The following ZC2HC1B variants were observed in gnomAD, a reference collection of about 807,000 sequenced individuals.
ZC2HC1B encodes zinc finger C2HC domain-containing protein 1B.
In ZC2HC1B, 36 loss-of-function variants were observed where a neutral mutation model predicts 31.0. The observed-to-expected ratio is 1.16, with a 90% CI of 0.89 to 1.54. The LOEUF (loss-of-function observed/expected upper bound fraction) is 1.54. ZC2HC1B is among the 40% of genes most tolerant of loss of function. The probability of loss-of-function intolerance (pLI) is 0.00; values close to 1 mark genes in which losing one functional copy is unlikely to be tolerated. For synonymous variants in ZC2HC1B, 73 were observed against 88.0 expected (o/e 0.83, Z 0.95); for missense variants, 260 against 268.6 (o/e 0.97, Z 0.22).
chr6:143,895,854 TCTGA>T lies in ZC2HC1B; in HGVS notation c.350-2695_350-2692del, dbSNP rs1192130335. Reference sequence around the variant, plus strand: ...ATTCCTCGAAAGAATTCATTTGGACTCTGACTTTTAAAATCATTACCTATTGAAA... The same window carrying T: ...ATTCCTCGAAAGAATTCATTTGGACTCTTTTAAAATCATTACCTATTGAAA... On this transcript the variant is annotated intron_variant, in intron 4 of 7. Coordinates refer to ENST00000237275, the MANE Select transcript of ZC2HC1B (RefSeq NM_001013623.3). This position sits in a 1 kb window ranked among gnomAD's most constrained non-coding sequence, Gnocchi z 4.8. Among the ~76,000 whole-genome samples, 18 of 152,218 alleles carry T rather than the reference TCTGA, an allele frequency of 1.2e-4. No individual in the cohort carries two copies. The highest frequency in any genetic ancestry group is 1.9e-4 in the Non-Finnish European group (13 of 68,030).
In ZC2HC1B at chr6:143,911,618, G is replaced by A. The variant is rs1777857303; in HGVS notation, c.598+8466G>A. On this transcript the variant is annotated intron_variant, in intron 6 of 7. Coordinates refer to ENST00000237275, the MANE Select transcript of ZC2HC1B (RefSeq NM_001013623.3). This position sits in a 1 kb window ranked among gnomAD's most constrained non-coding sequence, Gnocchi z 4.5. ...GCCCCCAGTCTCTTCTACCTTCTAGGGTTTCCACTGAGAGGTCTACTGTTA... is the reference window on the plus strand; with the variant it reads ...GCCCCCAGTCTCTTCTACCTTCTAGAGTTTCCACTGAGAGGTCTACTGTTA... Among the ~76,000 whole-genome samples, 3 of 152,082 alleles carry A rather than the reference G, an allele frequency of 2.0e-5. No homozygotes were observed. The highest frequency in any genetic ancestry group is 1.3e-4 in the Admixed American group (2 of 15,264).
At chr6:143,879,786 TTTTTG>T in intron 1 of ZC2HC1B, among the ~76,000 whole-genome samples, 1 of 127,170 alleles carries the variant, frequency 7.9e-6, no homozygotes, top group Non-Finnish European at 1.6e-5. Context: ...TGTTTGTTTG[TTTTTG>T]TTTTTTTTTT....
At chr6:143,889,997 C>CA (rs2128494284) in intron 4 of ZC2HC1B, among the ~76,000 whole-genome samples, 2 of 152,080 alleles carry the variant, frequency 1.3e-5, no homozygotes, top group African/African-American at 4.8e-5. Context: ...AAATGTATGA[C>CA]AAAAATATAT....
chr6:143,900,840 G>GTTTTGT (rs1777729257), intron 5 of ZC2HC1B, among the ~76,000 whole-genome samples: 1 of 152,086 alleles, frequency 6.6e-6, no homozygotes, highest in African/African-American at 2.4e-5. Flanking sequence ...TTTATAGATT[G>GTTTTGT]TTTTGTTTTT....
rs1358370097 is a variant in ZC2HC1B, at chr6:143,868,103, T to C, written c.28+3536T>C. Among the ~76,000 whole-genome samples, 1 of 152,220 alleles carries C rather than the reference T, an allele frequency of 6.6e-6. No homozygotes were observed. Among genetic ancestry groups the C allele is most frequent in the Non-Finnish European group, 1.5e-5 (1 of 68,046 alleles). ...ATTTGTTTCCATTTCCAATTTTGCT[T>C]TTTGGGAATCTGAAGCCATCCTGAT... On this transcript the variant is annotated intron_variant, in intron 1 of 7. Coordinates refer to ENST00000237275, the MANE Select transcript of ZC2HC1B (RefSeq NM_001013623.3). This position sits in a 1 kb window ranked among gnomAD's most constrained non-coding sequence, Gnocchi z 4.2.
At chr6:143,892,313 T>C (rs1375493293) in intron 4 of ZC2HC1B, among the ~76,000 whole-genome samples, 3 of 149,372 alleles carry the variant, frequency 2.0e-5, no homozygotes, top group East Asian at 1.9e-4. Context: ...TTTTTTTTTT[T>C]CAGAGGGAGT....
chr6:143,897,963 G>A (rs1777688238), intron 4 of ZC2HC1B, among the ~76,000 whole-genome samples: 1 of 152,184 alleles, frequency 6.6e-6, no homozygotes, highest in South Asian at 2.1e-4. Flanking sequence ...ATTTCATTGA[G>A]AAGTTCTTAA....
intron 5 of ZC2HC1B, 44 bp from the exon 6 acceptor site, chr6:143,903,000 A>C: frequency 6.5e-7 from 1 of 1,537,748 alleles, no homozygotes; most frequent in Middle Eastern, 1.7e-4. Context: ...CTGAGGTTAC[A>C]TACAGAAGGT....
Position 143,903,211 on chromosome 6 carries a change from G to A in ZC2HC1B, c.598+59G>A, listed in dbSNP as rs1777757349. 2 of 1,461,000 alleles carry A rather than the reference G, an allele frequency of 1.4e-6. No individual in the cohort carries two copies. The allele number at this position is 1,461,000 out of a possible 1,614,324, so 90.5% of individuals were successfully genotyped here. ...ATGGGGGTCAGAGGAGATCACTGTT[G>A]GGTTTGGGATTCACTGGTAGTCTGC... On this transcript the variant is annotated intron_variant, in intron 6 of 7. Coordinates refer to ENST00000237275, the MANE Select transcript of ZC2HC1B (RefSeq NM_001013623.3). This position sits in a 1 kb window ranked among gnomAD's most constrained non-coding sequence, Gnocchi z 4.3.
At chr6:143,890,690 C>A (rs1449541537) in intron 4 of ZC2HC1B, among the ~76,000 whole-genome samples, 1 of 151,994 alleles carries the variant, frequency 6.6e-6, no homozygotes, top group Non-Finnish European at 1.5e-5. Flanking sequence ...TATTCACAGA[C>A]AACATAATTG....
chr6:143,879,824 A>ATTTTTTTTTTT (rs557859315), intron 1 of ZC2HC1B, among the ~76,000 whole-genome samples: 7 of 53,678 alleles, frequency 1.3e-4, no homozygotes, highest in East Asian at 6.3e-4. Context: ...GTTGTCCCTG[A>ATTTTTTTTTTT]TTTTTTTTTT....
Position 143,886,601 on chromosome 6 carries a change from A to T in ZC2HC1B, c.211-82A>T. On this transcript the variant is annotated intron_variant, in intron 3 of 7. Coordinates refer to ENST00000237275, the MANE Select transcript of ZC2HC1B (RefSeq NM_001013623.3). This position sits in a 1 kb window ranked among gnomAD's most constrained non-coding sequence, Gnocchi z 4.2. Reference sequence around the variant, plus strand: ...AATTTTCACAGTTCTGTTTCCTGTGAATTCAAATTCCAGCTTTAAACAAAA... The same window carrying T: ...AATTTTCACAGTTCTGTTTCCTGTGTATTCAAATTCCAGCTTTAAACAAAA... 1.5e-6 allele frequency: 2 copies of T among 1,299,960 alleles called. No homozygotes were observed. The highest frequency in any genetic ancestry group is 2.0e-6 in the Non-Finnish European group (2 of 1,000,314). The allele number at this position is 1,299,960 out of a possible 1,614,324, so 80.5% of individuals were successfully genotyped here. A position where few individuals can be genotyped will look rare whatever the true frequency, so the allele number is the denominator to read the frequency against.
chr6:143,873,887 A>G (rs567910936), intron 1 of ZC2HC1B, among the ~76,000 whole-genome samples: 1 of 152,284 alleles, frequency 6.6e-6, no homozygotes, highest in Admixed American at 6.5e-5. Flanking sequence ...CATTTTTTCC[A>G]TGGTCTTGGG....
At chr6:143,928,497 C>T (rs906461908) in intron 6 of ZC2HC1B, among the ~76,000 whole-genome samples, 2 of 152,044 alleles carry the variant, frequency 1.3e-5, no homozygotes, top group Admixed American at 6.6e-5. Context: ...CAGTACCATG[C>T]TGTTTGATTA....
At chr6:143,901,011 G>T (rs1157813320) in intron 5 of ZC2HC1B, among the ~76,000 whole-genome samples, 3 of 151,666 alleles carry the variant, frequency 2.0e-5, no homozygotes, top group Non-Finnish European at 2.9e-5. Context: ...ACTAATTTTT[G>T]TATGTTCAGA....
chr6:143,903,167 G>A lies in ZC2HC1B; in HGVS notation c.598+15G>A, dbSNP rs965236031. On this transcript the variant is annotated intron_variant, in intron 6 of 7. Transcript: ENST00000237275. The surrounding 1 kb of genome is among the most constrained non-coding windows in gnomAD (Gnocchi z 4.3). ...AACCAAGTCAGGTGAGTCAAAGCAC[G>A]CATTTCATCTCTCAAATGATGGGGG... 7 of 1,548,584 alleles carry A rather than the reference G, an allele frequency of 4.5e-6. No individual in the cohort carries two copies. The highest frequency in any genetic ancestry group is 1.7e-4 in the Middle Eastern group (1 of 5,984).
chr6:143,873,912 T>C (rs555031414), intron 1 of ZC2HC1B, among the ~76,000 whole-genome samples: 1 of 152,386 alleles, frequency 6.6e-6, no homozygotes, highest in South Asian at 2.1e-4. Flanking sequence ...AACATTAGAC[T>C]CCTTGCTACT....
intron 1 of ZC2HC1B, among the ~76,000 whole-genome samples, chr6:143,881,248 G>A (rs1777462198): frequency 6.6e-6 from 1 of 152,018 alleles, no homozygotes; most frequent in Non-Finnish European, 1.5e-5. Flanking sequence ...ATTATTGCAT[G>A]TATCAGTGGT....
At position 143,934,767 on chromosome 6, in the gene ZC2HC1B, C is replaced by T. The variant is rs1778157138; in HGVS notation, c.599-2882C>T. The stretch of plus-strand genomic sequence containing the variant: ...CTTAAACTGCAGTTGTTATTGGAAG[C>T]TGTGGTGAGGCTTTGCTGGGGATGG... On this transcript the variant is annotated intron_variant, in intron 6 of 7. Coordinates refer to ENST00000237275, the MANE Select transcript of ZC2HC1B (RefSeq NM_001013623.3). The surrounding 1 kb of genome is among the most constrained non-coding windows in gnomAD (Gnocchi z 4.6). Among the ~76,000 whole-genome samples the T allele has an allele frequency of 6.6e-6, 1 of 152,180 alleles. No homozygotes were observed. The highest frequency in any genetic ancestry group is 1.5e-5 in the Non-Finnish European group (1 of 68,028).
Sources: gnomAD v4.1 joint callset for allele counts (sites outside exome capture counted in the v4.1 genomes callset) on GRCh38, gnomAD v4.1.1 for gene constraint, Gnocchi (gnomAD v3.1) non-coding constraint, MANE v1.5 for transcripts, NCBI Gene and HGNC (gene_info 2026-07-23, HGNC 2026-07-21) for gene names.